The following CFAP97D2 variants were observed in gnomAD, a reference collection of about 807,000 sequenced individuals.
CFAP97D2 encodes the protein CFAP97 domain containing 2.
intron 3 of CFAP97D2, among the ~76,000 whole-genome samples, chr13:114,208,169 T>C (rs1238512526): frequency 6.6e-6 from 1 of 152,222 alleles, no homozygotes; most frequent in African/African-American, 2.4e-5. Context: ...AAATAGGAAC[T>C]CCTGTGCCTT....
intron 4 of CFAP97D2, among the ~76,000 whole-genome samples, chr13:114,212,538 G>T (rs1242241707): frequency 6.6e-6 from 1 of 151,504 alleles, no homozygotes; most frequent in Non-Finnish European, 1.5e-5. Context: ...AACATAGTGA[G>T]CCACTGTCTC....
chr13:114,218,441 G>A (rs2138790471), intron 4 of CFAP97D2, among the ~76,000 whole-genome samples: 1 of 152,210 alleles, frequency 6.6e-6, no homozygotes, highest in African/African-American at 2.4e-5. Context: ...AGTGAAAATG[G>A]CCATACTGCC....
intron 4 of CFAP97D2, among the ~76,000 whole-genome samples, chr13:114,218,482 C>T (rs1480319867): frequency 6.6e-6 from 1 of 152,168 alleles, no homozygotes; most frequent in Non-Finnish European, 1.5e-5. Context: ...ATGCCATCCC[C>T]ATCAAGCTAC....
Position 114,187,299 on chromosome 13 carries a change from C to T in CFAP97D2, c.90+7879C>T, listed in dbSNP as rs2080855669. Among the ~76,000 whole-genome samples, 2 of 150,478 alleles carry T rather than the reference C, an allele frequency of 1.3e-5. No individual in the cohort carries two copies. Among genetic ancestry groups the T allele is most frequent in the African/African-American group, 4.9e-5 (2 of 40,800 alleles). On this transcript the variant is annotated intron_variant, in intron 1 of 4. Coordinates refer to ENST00000646158, the Ensembl canonical transcript of CFAP97D2. The surrounding 1 kb of genome is among the most constrained non-coding windows in gnomAD (Gnocchi z 4.2). ...TCAAGAGTAACAAACAAAATAGTAACAAATATGATAGCTATTTATCCAACT... is the reference window on the plus strand; with the variant it reads ...TCAAGAGTAACAAACAAAATAGTAATAAATATGATAGCTATTTATCCAACT...
chr13:114,217,037 G>A (rs1367698545), intron 4 of CFAP97D2, among the ~76,000 whole-genome samples: 4 of 152,266 alleles, frequency 2.6e-5, no homozygotes, highest in Non-Finnish European at 5.9e-5. Context: ...TTCTCTGATG[G>A]CCAGTGATGG....
intron 1 of CFAP97D2, among the ~76,000 whole-genome samples, chr13:114,188,538 G>A (rs938660812): frequency 3.3e-5 from 5 of 151,952 alleles, no homozygotes; most frequent in African/African-American, 7.2e-5. Context: ...AGCCCTTTAC[G>A]AGGCCGAGGC....
chr13:114,219,279 C>T (rs1030758290), intron 4 of CFAP97D2, among the ~76,000 whole-genome samples: 6 of 152,134 alleles, frequency 3.9e-5, no homozygotes, highest in African/African-American at 1.2e-4. Flanking sequence ...AGGCTTTCCC[C>T]GCTCAGTTTT....
intron 1 of CFAP97D2, among the ~76,000 whole-genome samples, chr13:114,192,023 A>T (rs2080871163): frequency 7.4e-6 from 1 of 134,804 alleles, no homozygotes; most frequent in Non-Finnish European, 1.6e-5. Flanking sequence ...ATTCTGGAAA[A>T]GGCAAAGTTT....
chr13:114,196,410 G>A (rs1422626620), exon 2 of CFAP97D2: 3 of 399,642 alleles, frequency 7.5e-6, no homozygotes, highest in Admixed American at 4.4e-5. Context: ...AGAGCGCCCA[G>A]CCGCTGGTAG....
chr13:114,190,228 G>A (rs1427621587), intron 1 of CFAP97D2, among the ~76,000 whole-genome samples: 1 of 152,030 alleles, frequency 6.6e-6, no homozygotes, highest in African/African-American at 2.4e-5. Flanking sequence ...CTAAGATCAG[G>A]AACAAGGCAC....
Position 114,186,876 on chromosome 13 carries a change from G to A in CFAP97D2, c.90+7456G>A, listed in dbSNP as rs910828312. ...TCCACTCCAGTCTCTTCAGAGGGAT[G>A]GGATCCAGGCCAGTAGCATGAGCTG... On this transcript the variant is annotated intron_variant, in intron 1 of 4. Transcript: ENST00000646158. This position sits in a 1 kb window ranked among gnomAD's most constrained non-coding sequence, Gnocchi z 4.3. Among the ~76,000 whole-genome samples, 1 of 152,232 alleles carries A rather than the reference G, an allele frequency of 6.6e-6. No individual in the cohort carries two copies.
intron 1 of CFAP97D2, among the ~76,000 whole-genome samples, chr13:114,195,701 G>A (rs371599742): frequency 6.6e-6 from 1 of 152,054 alleles, no homozygotes; most frequent in African/African-American, 2.4e-5. Flanking sequence ...AATGCCTAAG[G>A]TGCTCATCCT....
intron 3 of CFAP97D2, among the ~76,000 whole-genome samples, chr13:114,201,068 G>A (rs1161740826): frequency 6.6e-6 from 1 of 152,090 alleles, no homozygotes; most frequent in Non-Finnish European, 1.5e-5. Context: ...GTGGAGTTCT[G>A]CCCTCTGTGA....
At chr13:114,183,542 C>G (rs1037871872) in intron 1 of CFAP97D2, among the ~76,000 whole-genome samples, 1 of 152,088 alleles carries the variant, frequency 6.6e-6, no homozygotes, top group Non-Finnish European at 1.5e-5. Context: ...GTTAAGGCAC[C>G]AGCAGATTTG....
intron 3 of CFAP97D2, among the ~76,000 whole-genome samples, chr13:114,208,382 A>G (rs56061243): frequency 0.013 from 1,988 of 152,366 alleles, 50 homozygotes; most frequent in African/African-American, 0.045. Flanking sequence ...GCTTAAATGA[A>G]TAGAATAAAA....
At chr13:114,198,488 A>T (rs1262531288) in intron 2 of CFAP97D2, among the ~76,000 whole-genome samples, 1 of 152,218 alleles carries the variant, frequency 6.6e-6, no homozygotes, top group Non-Finnish European at 1.5e-5. Context: ...TATAAAAAAG[A>T]TTTCCTCATT....
chr13:114,188,933 G>C (rs2080860058), intron 1 of CFAP97D2, among the ~76,000 whole-genome samples: 1 of 149,696 alleles, frequency 6.7e-6, no homozygotes, highest in African/African-American at 2.4e-5. Context: ...AATTCTTTGG[G>C]AAAAAAAATC....
chr13:114,214,333 G>A (rs918557906), intron 4 of CFAP97D2: 5 of 152,148 alleles, frequency 3.3e-5, no homozygotes, highest in African/African-American at 1.2e-4. Flanking sequence ...AACTCTGAAG[G>A]CATTCAGAAA....
chr13:114,197,188 C>T (rs1380299272), intron 2 of CFAP97D2, among the ~76,000 whole-genome samples: 2 of 152,180 alleles, frequency 1.3e-5, no homozygotes, highest in Admixed American at 1.3e-4. Context: ...AGGAGATTCT[C>T]TACAGAATGT....
Sources: gnomAD v4.1 joint callset for allele counts (sites outside exome capture counted in the v4.1 genomes callset) on GRCh38, gnomAD v4.1.1 for gene constraint, Gnocchi (gnomAD v3.1) non-coding constraint, MANE v1.5 for transcripts, NCBI Gene and HGNC (gene_info 2026-07-23, HGNC 2026-07-21) for gene names.